Variants in C8orf34 observed in about 807,000 individuals in gnomAD.
The protein encoded by C8orf34 is uncharacterized protein C8orf34.
C8orf34 carries 65 observed loss-of-function variants against 68.3 expected under a neutral mutation model. That is an observed-to-expected ratio of 0.95 (90% CI 0.78 to 1.17). The LOEUF (loss-of-function observed/expected upper bound fraction) is 1.17, where lower values mean the gene tolerates loss of function less well. C8orf34 is among the 50% of genes most tolerant of loss of function. C8orf34 has a pLI of 0.00. For synonymous variants in C8orf34, 244 were observed against 241.2 expected (o/e 1.01, Z -0.11); for missense variants, 664 against 655.4 (o/e 1.01, Z -0.14).
intron 5 of C8orf34, among the ~76,000 whole-genome samples, chr8:68,512,688 C>T (rs1814327491): frequency 6.6e-6 from 1 of 151,688 alleles, no homozygotes. Flanking sequence ...ATTCTTCCAC[C>T]ACTTGTTTGA....
intron 5 of C8orf34, among the ~76,000 whole-genome samples, chr8:68,509,146 C>G (rs1814152103): frequency 1.3e-5 from 2 of 152,182 alleles, no homozygotes; most frequent in South Asian, 4.1e-4. Context: ...CCAATCTTAA[C>G]TGCTTCCTGC....
intron 10 of C8orf34, among the ~76,000 whole-genome samples, chr8:68,770,702 C>T (rs955418423): frequency 6.6e-6 from 1 of 151,910 alleles, no homozygotes; most frequent in Non-Finnish European, 1.5e-5. Context: ...TTTTTTTCAG[C>T]TAATAGTCAC....
intron 8 of C8orf34, among the ~76,000 whole-genome samples, chr8:68,684,246 G>A (rs1315830865): frequency 6.6e-6 from 1 of 152,106 alleles, no homozygotes; most frequent in Non-Finnish European, 1.5e-5. Flanking sequence ...GTGGGCCTGG[G>A]ATGTCTGCTT....
rs1303274078 is a variant in C8orf34 at position 68,792,589 on chromosome 8, A to C, written c.1549+5053A>C. 5 of 149,248 alleles carry C rather than the reference A, an allele frequency of 3.4e-5. 1 individual carries two copies. The highest frequency in any genetic ancestry group is 7.4e-5 in the Non-Finnish European group (5 of 67,426). 9.2% of individuals were successfully genotyped at this position (149,248 alleles called of 1,614,324 possible). A position where few individuals can be genotyped will look rare whatever the true frequency, so the allele number is the denominator to read the frequency against. On this transcript the variant is annotated intron_variant, in intron 12 of 13. Coordinates refer to ENST00000518698, the MANE Select transcript of C8orf34 (RefSeq NM_052958.4). ...TCCATCTCAAAAAAAAAAAAAAAAA[A>C]AAAAAAAAAAAAGATATTTAAAGAT...
At chr8:68,552,568 T>A (rs1295399624) in intron 7 of C8orf34, among the ~76,000 whole-genome samples, 1 of 152,140 alleles carries the variant, frequency 6.6e-6, no homozygotes, top group African/African-American at 2.4e-5. Flanking sequence ...TTGTCAGTTA[T>A]CATAGGTTTT....
At chr8:68,612,622 T>C (rs77521428) in intron 7 of C8orf34, among the ~76,000 whole-genome samples, 2,622 of 152,288 alleles carry the variant, frequency 0.017, 39 homozygotes, top group Middle Eastern at 0.054. Context: ...TCAATGAACA[T>C]TTATTAAACA....
chr8:68,811,383 A>T (rs991784553), intron 12 of C8orf34, among the ~76,000 whole-genome samples: 4 of 152,278 alleles, frequency 2.6e-5, no homozygotes, highest in Admixed American at 6.5e-5. Context: ...GAGCACAAGG[A>T]TGCCTGGGTC....
intron 8 of C8orf34, among the ~76,000 whole-genome samples, chr8:68,644,349 G>A (rs1191073007): frequency 2.0e-5 from 3 of 152,140 alleles, no homozygotes; most frequent in Admixed American, 6.5e-5. Context: ...CCTGGGCATG[G>A]TGTCAATTCC....
intron 12 of C8orf34, among the ~76,000 whole-genome samples, chr8:68,812,218 C>T (rs1824673153): frequency 6.6e-6 from 1 of 151,948 alleles, no homozygotes; most frequent in Admixed American, 6.6e-5. Flanking sequence ...TTAAGGGAGC[C>T]ATATATGATA....
At chr8:68,702,592 T>A (rs1197839410) in intron 8 of C8orf34, among the ~76,000 whole-genome samples, 1 of 152,114 alleles carries the variant, frequency 6.6e-6, no homozygotes, top group African/African-American at 2.4e-5. Flanking sequence ...TGTGTATGAG[T>A]GTGTGTGCTT....
intron 1 of C8orf34, among the ~76,000 whole-genome samples, chr8:68,360,370 G>T (rs985082510): frequency 5.3e-5 from 8 of 152,110 alleles, no homozygotes; most frequent in Non-Finnish European, 8.8e-5. Context: ...ACACTGTTTG[G>T]CCACTTCCTG....
chr8:68,435,628 C>T (rs1034429658), intron 1 of C8orf34, among the ~76,000 whole-genome samples: 8 of 152,130 alleles, frequency 5.3e-5, no homozygotes, highest in Admixed American at 3.9e-4. Context: ...CATTCAACTC[C>T]GAAGATTAGT....
At chr8:68,673,281 C>G (rs1264854648) in intron 8 of C8orf34, among the ~76,000 whole-genome samples, 3 of 151,750 alleles carry the variant, frequency 2.0e-5, no homozygotes, top group Admixed American at 2.0e-4. Flanking sequence ...AGCTTAAGTA[C>G]CAGCTCAGCC....
intron 1 of C8orf34, among the ~76,000 whole-genome samples, chr8:68,372,343 AAC>A (rs1009382393): frequency 4.6e-5 from 7 of 152,186 alleles, no homozygotes; most frequent in African/African-American, 1.7e-4. Context: ...AGCCCAGGGA[AAC>A]ACAGGAAAGA....
intron 5 of C8orf34, among the ~76,000 whole-genome samples, chr8:68,516,108 A>G (rs1814501408): frequency 1.3e-5 from 2 of 152,070 alleles, no homozygotes; most frequent in South Asian, 4.2e-4. Flanking sequence ...TTAAGAGTTC[A>G]TAAGAAATAT....
At chr8:68,516,481 C>G (rs1249866666) in intron 5 of C8orf34, among the ~76,000 whole-genome samples, 1 of 152,042 alleles carries the variant, frequency 6.6e-6, no homozygotes, top group Non-Finnish European at 1.5e-5. Flanking sequence ...TAGTTGAACT[C>G]TTGGAATAAC....
intron 8 of C8orf34, among the ~76,000 whole-genome samples, chr8:68,657,501 G>A (rs1463176242): frequency 2.6e-5 from 4 of 152,116 alleles, no homozygotes; most frequent in South Asian, 2.1e-4. Flanking sequence ...CCCAGTCTAC[G>A]GAACTGTGAG....
intron 12 of C8orf34, among the ~76,000 whole-genome samples, chr8:68,797,473 A>C (rs1824211475): frequency 6.6e-6 from 1 of 152,064 alleles, no homozygotes; most frequent in Non-Finnish European, 1.5e-5. Flanking sequence ...AGAGCAGAAG[A>C]GCTTAGTACA....
At position 68,535,264 on chromosome 8, in the gene C8orf34, T is replaced by C. The variant is rs138595736; in HGVS notation, c.1105+2115T>C. Reference sequence around the variant, plus strand: ...TATATAGAATCATTGTAAGATGCAATAGAGACATCTGGTATTTAAAATCTT... The same window carrying C: ...TATATAGAATCATTGTAAGATGCAACAGAGACATCTGGTATTTAAAATCTT... On this transcript the variant is annotated intron_variant, in intron 7 of 13. Coordinates refer to ENST00000518698, the MANE Select transcript of C8orf34 (RefSeq NM_052958.4). 312 of 979,518 alleles carry C rather than the reference T, an allele frequency of 3.2e-4. 1 individual carries two copies. The African/African-American group carries it at 5.1e-3, about 16-fold the overall frequency. The allele number at this position is 979,518 out of a possible 1,614,324, so 60.7% of individuals were successfully genotyped here. A position where few individuals can be genotyped will look rare whatever the true frequency, so the allele number is the denominator to read the frequency against.
Sources: gnomAD v4.1 joint callset for allele counts (sites outside exome capture counted in the v4.1 genomes callset) on GRCh38, gnomAD v4.1.1 for gene constraint, MANE v1.5 for transcripts, NCBI Gene and HGNC (gene_info 2026-07-23, HGNC 2026-07-21) for gene names.